SMYD3: variants seen among roughly 807,000 people sequenced by gnomAD.
SMYD3 encodes SET and MYND domain containing 3.
In SMYD3, 36 loss-of-function variants were observed where a neutral mutation model predicts 57.7. The ratio of observed to expected loss-of-function variants is 0.62; its 90% CI spans 0.48 to 0.82. The LOEUF (loss-of-function observed/expected upper bound fraction) is 0.82. SMYD3 is among the 40% of genes least tolerant of loss of function. The pLI, the probability that SMYD3 is intolerant of heterozygous loss-of-function variation, is 0.00. For synonymous variants in SMYD3, 211 were observed against 195.0 expected (o/e 1.08, Z -0.68); for missense variants, 515 against 538.8 (o/e 0.96, Z 0.44).
chr1:246,308,805 G>A (rs1167687161), intron 5 of SMYD3, among the ~76,000 whole-genome samples: 11 of 152,120 alleles, frequency 7.2e-5, no homozygotes, highest in South Asian at 2.1e-4. Context: ...AATAAAGATG[G>A]AAAGGACTGT....
At chr1:246,009,184 T>A (rs951379146) in intron 5 of SMYD3, among the ~76,000 whole-genome samples, 2 of 152,220 alleles carry the variant, frequency 1.3e-5, no homozygotes, top group Admixed American at 6.5e-5. Flanking sequence ...AGTACTTTAA[T>A]ATAGCATCCT....
intron 7 of SMYD3, among the ~76,000 whole-genome samples, chr1:245,927,589 G>T (rs111376027): frequency 0.015 from 2,323 of 152,246 alleles, 55 homozygotes; most frequent in African/African-American, 0.052. Context: ...GATATGAGAG[G>T]CTGCTCAGCT....
chr1:245,758,992 C>T (rs957538074), intron 11 of SMYD3, among the ~76,000 whole-genome samples: 2 of 152,192 alleles, frequency 1.3e-5, no homozygotes, highest in Non-Finnish European at 2.9e-5. Flanking sequence ...AGTGATGACA[C>T]CCTGTTACTG....
chr1:245,978,644 G>A (rs553517381), intron 5 of SMYD3, among the ~76,000 whole-genome samples: 21 of 152,166 alleles, frequency 1.4e-4, no homozygotes, highest in South Asian at 2.1e-4. Context: ...GCAGTTAAAC[G>A]TTGAGTCCAG....
At chr1:245,792,187 C>T (rs2047306119) in intron 10 of SMYD3, among the ~76,000 whole-genome samples, 2 of 152,240 alleles carry the variant, frequency 1.3e-5, no homozygotes, top group Non-Finnish European at 2.9e-5. Context: ...ATCAGCCAAG[C>T]ACTCTTCTAG....
rs2059946259 is a variant in SMYD3, at chr1:246,045,407, GC to G, written c.532-115471del. On this transcript the variant is annotated intron_variant, in intron 5 of 11. Transcript: ENST00000490107. ...AAGGATTCCCTATTTAATAAATGGT[GC>G]TGGGAAAACTGGCTAGCCATATGTA... is the stretch of plus-strand genomic sequence containing the variant. Among the ~76,000 whole-genome samples the G allele has an allele frequency of 2.6e-5, 4 of 152,234 alleles. No individual in the cohort carries two copies. In the South Asian group the frequency reaches 8.3e-4, roughly 32 times the overall value.
chr1:245,919,947 T>G (rs546089931), intron 7 of SMYD3, among the ~76,000 whole-genome samples: 12 of 152,294 alleles, frequency 7.9e-5, no homozygotes, highest in Non-Finnish European at 1.5e-4. Flanking sequence ...TAGCTTACAT[T>G]AAAATCTCAA....
intron 8 of SMYD3, among the ~76,000 whole-genome samples, chr1:245,898,241 T>C (rs928548434): frequency 6.6e-6 from 1 of 152,268 alleles, no homozygotes; most frequent in Admixed American, 6.5e-5. Context: ...ATCTTATTTG[T>C]CACTTTTATT....
At chr1:246,154,106 A>C (rs1451560461) in intron 5 of SMYD3, among the ~76,000 whole-genome samples, 1 of 152,190 alleles carries the variant, frequency 6.6e-6, no homozygotes, top group African/African-American at 2.4e-5. Flanking sequence ...TCCATCAATC[A>C]ATCTGGCATA....
intron 1 of SMYD3, among the ~76,000 whole-genome samples, chr1:246,443,967 C>T (rs559538907): frequency 5.3e-5 from 8 of 152,212 alleles, no homozygotes; most frequent in African/African-American, 1.7e-4. Context: ...TCCCTCACCA[C>T]CCATCACCAC....
At chr1:246,220,222 C>T (rs1372314198) in intron 5 of SMYD3, among the ~76,000 whole-genome samples, 1 of 152,006 alleles carries the variant, frequency 6.6e-6, no homozygotes, top group Non-Finnish European at 1.5e-5. Flanking sequence ...CCATTCCAGA[C>T]GACCCACTGC....
chr1:246,352,707 G>C (rs967087614), intron 2 of SMYD3, among the ~76,000 whole-genome samples: 1 of 152,080 alleles, frequency 6.6e-6, no homozygotes, highest in Non-Finnish European at 1.5e-5. Flanking sequence ...ATGCACTACA[G>C]GTAATCAAAA....
intron 8 of SMYD3, among the ~76,000 whole-genome samples, chr1:245,896,022 TC>T (rs1462992488): frequency 3.3e-5 from 5 of 152,288 alleles, no homozygotes; most frequent in Non-Finnish European, 5.9e-5. Context: ...TTAAGGCTTC[TC>T]CCCACTACAG....
chr1:246,263,124 GC>G (rs1164537677), intron 5 of SMYD3, among the ~76,000 whole-genome samples: 7 of 152,148 alleles, frequency 4.6e-5, no homozygotes, highest in African/African-American at 1.7e-4. Context: ...TGACCAAAAA[GC>G]AAAAGCTTAC....
intron 10 of SMYD3, among the ~76,000 whole-genome samples, chr1:245,767,588 A>G (rs1417164957): frequency 6.6e-6 from 1 of 152,034 alleles, no homozygotes; most frequent in African/African-American, 2.4e-5. Flanking sequence ...TTTCCACTGG[A>G]GATGATGATG....
intron 10 of SMYD3, among the ~76,000 whole-genome samples, chr1:245,824,364 G>A (rs1013139893): frequency 2.0e-5 from 3 of 152,208 alleles, no homozygotes; most frequent in Non-Finnish European, 2.9e-5. Context: ...TGGATGAAAC[G>A]ACACATGAAA....
At chr1:246,255,979 T>TAGATAGACAGAC (rs936118944) in intron 5 of SMYD3, among the ~76,000 whole-genome samples, 2,457 of 147,746 alleles carry the variant, frequency 0.017, 36 homozygotes, top group Admixed American at 0.032. Flanking sequence ...GATAGATAGA[T>TAGATAGACAGAC]AGATAGATAC....
intron 10 of SMYD3, among the ~76,000 whole-genome samples, chr1:245,833,681 G>A (rs1420868720): frequency 6.6e-6 from 1 of 152,198 alleles, no homozygotes; most frequent in African/African-American, 2.4e-5. Context: ...CAACTTTGGT[G>A]GACTCCCTAT....
chr1:246,104,560 A>C (rs2061082068), intron 5 of SMYD3, among the ~76,000 whole-genome samples: 1 of 152,200 alleles, frequency 6.6e-6, no homozygotes, highest in Admixed American at 6.5e-5. Flanking sequence ...CTTGTGTATA[A>C]AAGTGACACA....
Sources: gnomAD v4.1 joint callset for allele counts (sites outside exome capture counted in the v4.1 genomes callset) on GRCh38, gnomAD v4.1.1 for gene constraint, MANE v1.5 for transcripts, NCBI Gene and HGNC (gene_info 2026-07-23, HGNC 2026-07-21) for gene names.